TBXAS1: variants seen among roughly 807,000 people sequenced by gnomAD.
The protein encoded by TBXAS1 is thromboxane A synthase 1, also known as thromboxane-A synthase.
A neutral mutation model predicts 60.7 loss-of-function variants in TBXAS1; 48 were observed. That is an observed-to-expected ratio of 0.79 (90% CI 0.63 to 1.01). TBXAS1 has a LOEUF of 1.01. Ranked by LOEUF, TBXAS1 falls within the 50% of genes least tolerant of loss-of-function variation. TBXAS1 has a pLI of 0.00. For synonymous variants in TBXAS1, 287 were observed against 269.7 expected (o/e 1.06, Z -0.63); for missense variants, 685 against 686.3 (o/e 1.00, Z 0.02).
chr7:139,917,325 T>C (rs906447070), intron 4 of TBXAS1, among the ~76,000 whole-genome samples: 1 of 152,198 alleles, frequency 6.6e-6, no homozygotes, highest in African/African-American at 2.4e-5. Context: ...CTTCTTCTTA[T>C]AACACCCACT....
intron 9 of TBXAS1, among the ~76,000 whole-genome samples, chr7:139,965,073 C>T (rs1002206494): frequency 4.6e-5 from 7 of 152,178 alleles, no homozygotes; most frequent in Non-Finnish European, 7.3e-5. Flanking sequence ...ACAAAATTAG[C>T]TGGGTGTGGT....
intron 4 of TBXAS1, among the ~76,000 whole-genome samples, chr7:139,922,064 T>C (rs572041326): frequency 6.6e-6 from 1 of 152,196 alleles, no homozygotes; most frequent in East Asian, 1.9e-4. Context: ...TTTGTATTTA[T>C]CTGGTGACCA....
intron 1 of TBXAS1, among the ~76,000 whole-genome samples, chr7:139,871,440 A>T (rs1801817700): frequency 6.6e-6 from 1 of 152,238 alleles, no homozygotes; most frequent in Non-Finnish European, 1.5e-5. Context: ...CCATATGTGC[A>T]GGTTTTTCTA....
chr7:139,947,779 T>A (rs971216453), intron 5 of TBXAS1, among the ~76,000 whole-genome samples: 1 of 151,858 alleles, frequency 6.6e-6, no homozygotes, highest in Non-Finnish European at 1.5e-5. Context: ...GGAAACTTTC[T>A]CCCCTAGCTT....
chr7:139,977,175 C>T (rs1048029210), intron 9 of TBXAS1, among the ~76,000 whole-genome samples: 2 of 152,040 alleles, frequency 1.3e-5, no homozygotes, highest in Admixed American at 1.3e-4. Flanking sequence ...TCCGTTTTCA[C>T]GCTGCTGATA....
chr7:139,997,540 AT>A (rs1813382990), intron 9 of TBXAS1, among the ~76,000 whole-genome samples: 1 of 151,946 alleles, frequency 6.6e-6, no homozygotes, highest in South Asian at 2.1e-4. Flanking sequence ...GATGTGTTTT[AT>A]TTGTTCCTAT....
intron 4 of TBXAS1, among the ~76,000 whole-genome samples, chr7:139,790,169 C>T (rs945868671): frequency 6.6e-6 from 1 of 152,190 alleles, no homozygotes; most frequent in African/African-American, 2.4e-5. Flanking sequence ...ATCATTCTAT[C>T]CCAAATTGCT....
intron 1 of TBXAS1, among the ~76,000 whole-genome samples, chr7:139,834,971 A>G (rs528339214): frequency 6.6e-6 from 1 of 152,316 alleles, no homozygotes; most frequent in East Asian, 1.9e-4. Flanking sequence ...CATTCTATGA[A>G]GCCAGTATCA....
At chr7:139,781,203 G>A (rs920812748) in intron 2 of TBXAS1, among the ~76,000 whole-genome samples, 4 of 152,112 alleles carry the variant, frequency 2.6e-5, no homozygotes, top group African/African-American at 7.2e-5. Flanking sequence ...ATGATATAAC[G>A]GAAAAATATT....
At chr7:139,874,953 G>A (rs1802112523) in intron 2 of TBXAS1, among the ~76,000 whole-genome samples, 1 of 152,240 alleles carries the variant, frequency 6.6e-6, no homozygotes, top group South Asian at 2.1e-4. Context: ...AAATTAGCTG[G>A]GTGTGGTGGC....
chr7:139,972,550 T>C (rs1466601266), intron 9 of TBXAS1, among the ~76,000 whole-genome samples: 1 of 152,082 alleles, frequency 6.6e-6, no homozygotes, highest in South Asian at 2.1e-4. Flanking sequence ...AGAATAAACA[T>C]ACTTTTTTTT....
At chr7:139,855,579 G>A (rs557215092) in intron 1 of TBXAS1, among the ~76,000 whole-genome samples, 2 of 152,278 alleles carry the variant, frequency 1.3e-5, no homozygotes, top group East Asian at 1.9e-4. Flanking sequence ...CAGAGAGCAG[G>A]CTAGAAGGCA....
rs1291989596 is a variant in TBXAS1 at position 139,896,576 on chromosome 7, G to A, written c.237-14649G>A. ...AATACAGCAACATCTGTCAGGCACT[G>A]TAGGAACTGCTTTCAGTTTATGTGT... On this transcript the variant is annotated intron_variant, in intron 3 of 12. Coordinates refer to ENST00000448866, the MANE Select transcript of TBXAS1 (RefSeq NM_001061.7). The surrounding 1 kb of genome is among the most constrained non-coding windows in gnomAD (Gnocchi z 4.0). Among the ~76,000 whole-genome samples the A allele has an allele frequency of 6.6e-6, 1 of 152,218 alleles. No individual in the cohort carries two copies. The highest frequency in any genetic ancestry group is 2.4e-5 in the African/African-American group (1 of 41,456).
chr7:139,903,311 C>A (rs377239229), intron 3 of TBXAS1, among the ~76,000 whole-genome samples: 1 of 152,032 alleles, frequency 6.6e-6, no homozygotes, highest in Non-Finnish European at 1.5e-5. Flanking sequence ...TTCCACCATA[C>A]ATATATACCA....
At chr7:139,981,091 CTTG>C (rs964093929) in intron 9 of TBXAS1, among the ~76,000 whole-genome samples, 7 of 151,976 alleles carry the variant, frequency 4.6e-5, no homozygotes, top group African/African-American at 7.2e-5. Context: ...CTACGGATGG[CTTG>C]TTGTTGTTTT....
At chr7:139,862,591 C>T (rs1052595833) in intron 1 of TBXAS1, among the ~76,000 whole-genome samples, 1 of 152,066 alleles carries the variant, frequency 6.6e-6, no homozygotes, top group Non-Finnish European at 1.5e-5. Flanking sequence ...AGGCAATGGC[C>T]AAATCCAAGG....
At chr7:139,904,939 T>TCTTC (rs772718343) in intron 3 of TBXAS1, among the ~76,000 whole-genome samples, 3 of 152,036 alleles carry the variant, frequency 2.0e-5, no homozygotes, top group Admixed American at 6.6e-5. Flanking sequence ...CTCCTTTCTT[T>TCTTC]CTTCCTTCCT....
intron 5 of TBXAS1, among the ~76,000 whole-genome samples, chr7:139,952,021 G>GA (rs1569518465): frequency 7.1e-6 from 1 of 140,960 alleles, no homozygotes. Context: ...AAAAAGAAAG[G>GA]AAGGAAGGAG....
rs181581909 is a variant in TBXAS1 at position 139,821,772 on chromosome 7, G to A, written c.-79-7540G>A. On this transcript the variant is annotated intron_variant, in intron 4 of 16. Transcript: ENST00000336425. ...TGGGGCCGAAGAGAGGGAGGGGGAC[G>A]TCAGAATCAGCCCTTTCTGTCCAAA... Among the ~76,000 whole-genome samples the A allele has an allele frequency of 8.0e-4, 122 of 152,344 alleles. 1 individual carries two copies. Among genetic ancestry groups the A allele is most frequent in the African/African-American group, 2.4e-4 (10 of 41,582 alleles).
Sources: gnomAD v4.1 joint callset for allele counts (sites outside exome capture counted in the v4.1 genomes callset) on GRCh38, gnomAD v4.1.1 for gene constraint, Gnocchi (gnomAD v3.1) non-coding constraint, MANE v1.5 for transcripts, NCBI Gene and HGNC (gene_info 2026-07-23, HGNC 2026-07-21) for gene names.